Variants in DNAH14 observed in about 807,000 individuals in gnomAD.
DNAH14 encodes axonemal beta dynein heavy chain 14.
Under a neutral mutation model 520.9 loss-of-function variants are expected in DNAH14, and 478 were observed. That is an observed-to-expected ratio of 0.92 (90% CI 0.85 to 0.99). The LOEUF (loss-of-function observed/expected upper bound fraction) is 0.99, where lower values mean the gene tolerates loss of function less well. Ranked by LOEUF, DNAH14 falls within the 50% of genes least tolerant of loss-of-function variation. DNAH14 has a pLI of 0.00. For missense variants in DNAH14, 4,831 were observed against 5,234.5 expected (o/e 0.92, Z 2.38); for synonymous variants, 1,581 against 1,757.2 (o/e 0.90, Z 2.51).
At chr1:225,113,591 G>A (rs560147560) in intron 23 of DNAH14, among the ~76,000 whole-genome samples, 169 of 152,302 alleles carry the variant, frequency 1.1e-3, no homozygotes, top group African/African-American at 3.8e-3. Context: ...CCTGGGCCCT[G>A]GGTGGTTCCA....
chr1:225,252,803 G>C (rs1430099716), intron 44 of DNAH14, among the ~76,000 whole-genome samples: 1 of 152,008 alleles, frequency 6.6e-6, no homozygotes, highest in East Asian at 1.9e-4. Context: ...AAATGAAAAT[G>C]CTAATTAGAA....
intron 60 of DNAH14, among the ~76,000 whole-genome samples, chr1:225,309,818 A>G (rs7520455): frequency 0.11 from 17,205 of 152,026 alleles, 1,174 homozygotes; most frequent in East Asian, 0.26. Context: ...ACTTGAACCT[A>G]GGAGGCGGAG....
At chr1:225,119,423 G>A in intron 26 of DNAH14, 129 bp downstream of exon 26, 1 of 568,730 alleles carries the variant, frequency 1.8e-6, no homozygotes, top group Non-Finnish European at 2.7e-6. Context: ...AAAAGAATAT[G>A]GAGTCAAATC....
Position 225,122,488 on chromosome 1 carries a change from A to G in DNAH14, c.4167-1039A>G, listed in dbSNP as rs868125563. On this transcript the variant is annotated intron_variant, in intron 26 of 85. Transcript: ENST00000682510. ...TTTAAGTATTCCATATACTTATAGT[A>G]TATCAATGCGAGTGTGCAGTAAGAT... Among the ~76,000 whole-genome samples the G allele has an allele frequency of 7.2e-5, 11 of 152,204 alleles. No homozygotes were observed. In the South Asian group the frequency reaches 8.3e-4, roughly 11 times the overall value.
intron 10 of DNAH14, among the ~76,000 whole-genome samples, chr1:225,014,949 A>G (rs953198739): frequency 1.6e-4 from 24 of 152,304 alleles, no homozygotes; most frequent in Admixed American, 6.5e-4. Flanking sequence ...TAGATCTGAC[A>G]ATATTTGCTT....
chr1:225,242,279 A>AT (rs966372662), intron 43 of DNAH14, among the ~76,000 whole-genome samples: 13 of 151,900 alleles, frequency 8.6e-5, no homozygotes, highest in African/African-American at 2.9e-4. Context: ...GCTTACTATA[A>AT]TTTTTTTTAC....
At chr1:225,124,625 G>A (rs928203664) in intron 27 of DNAH14, among the ~76,000 whole-genome samples, 1 of 152,078 alleles carries the variant, frequency 6.6e-6, no homozygotes, top group Non-Finnish European at 1.5e-5. Context: ...TAGTTCTCTT[G>A]CTATTTCCAC....
chr1:225,087,535 A>G (rs753328532), intron 21 of DNAH14, among the ~76,000 whole-genome samples: 2 of 152,216 alleles, frequency 1.3e-5, no homozygotes, highest in African/African-American at 4.8e-5. Flanking sequence ...GACATCAGGT[A>G]ATGAAGGACA....
intron 23 of DNAH14, among the ~76,000 whole-genome samples, chr1:225,113,488 C>T (rs7418261): frequency 0.13 from 19,756 of 152,000 alleles, 3,946 homozygotes; most frequent in African/African-American, 0.44. Context: ...ACTTGGCTAC[C>T]GCCTATGTTT....
At chr1:224,982,387 C>T (rs992382483) in intron 8 of DNAH14, among the ~76,000 whole-genome samples, 2 of 152,150 alleles carry the variant, frequency 1.3e-5, no homozygotes, top group African/African-American at 4.8e-5. Context: ...TCAGGGTCTG[C>T]TAATGCACTC....
At chr1:225,216,532 C>T (rs2089353560) in intron 41 of DNAH14, among the ~76,000 whole-genome samples, 1 of 152,208 alleles carries the variant, frequency 6.6e-6, no homozygotes, top group Non-Finnish European at 1.5e-5. Context: ...TCTGGTACAC[C>T]AATCAGACGT....
chr1:225,398,485 T>G (rs977442652), intron 84 of DNAH14, 35 bp from the exon 85 acceptor site: 10 of 1,548,182 alleles, frequency 6.5e-6, no homozygotes, highest in Non-Finnish European at 8.7e-6. Flanking sequence ...CTGCTTCTCC[T>G]GGGGATCCCT....
chr1:225,231,246 T>C, intron 42 of DNAH14, 95 bp downstream of exon 42: 2 of 826,242 alleles, frequency 2.4e-6, no homozygotes, highest in Non-Finnish European at 3.6e-6. Flanking sequence ...ATCAATACTT[T>C]TGTATTTTCA....
intron 75 of DNAH14, among the ~76,000 whole-genome samples, chr1:225,362,607 C>T (rs185465132): frequency 6.7e-6 from 1 of 148,754 alleles, no homozygotes; most frequent in African/African-American, 2.5e-5. Context: ...CATCACTAAT[C>T]ATTAGGGAAA....
intron 4 of DNAH14, 80 bp from the exon 5 acceptor site, chr1:224,964,399 A>G (rs1032484939): frequency 1.5e-6 from 2 of 1,370,230 alleles, no homozygotes; most frequent in Non-Finnish European, 1.9e-6. Flanking sequence ...CTATATAGAA[A>G]TATTTGTAAT....
At position 225,398,501 on chromosome 1, in the gene DNAH14, C is replaced by T. The variant is rs2096057064; in HGVS notation, c.13492-19C>T. The T allele has an allele frequency of 6.4e-7, 1 of 1,550,494 alleles. No individual in the cohort carries two copies. Among genetic ancestry groups the T allele is most frequent in the African/African-American group, 1.4e-5 (1 of 73,020 alleles). ...TGCTTCTCCTGGGGATCCCTGACAC[C>T]ACCTCTCTTCCATCTTAGGGCTCAG... On this transcript the variant is annotated intron_variant, in intron 84 of 85. Coordinates refer to ENST00000682510, the MANE Select transcript of DNAH14 (RefSeq NM_001367479.1).
intron 69 of DNAH14, among the ~76,000 whole-genome samples, chr1:225,344,822 C>G (rs541479930): frequency 6.6e-6 from 1 of 152,204 alleles, no homozygotes; most frequent in African/African-American, 2.4e-5. Context: ...TCAAGTGATT[C>G]TCCTGCCTCA....
chr1:225,266,222 G>T (rs2093111203), intron 48 of DNAH14, among the ~76,000 whole-genome samples: 1 of 152,088 alleles, frequency 6.6e-6, no homozygotes, highest in Non-Finnish European at 1.5e-5. Context: ...CTAAACCAGG[G>T]TGCATATGGA....
chr1:225,219,272 C>A (rs968617502), intron 41 of DNAH14, among the ~76,000 whole-genome samples: 35 of 151,374 alleles, frequency 2.3e-4, no homozygotes, highest in African/African-American at 7.3e-4. Context: ...GAAGCAAGAG[C>A]AAACAAATTC....
Sources: gnomAD v4.1 joint callset for allele counts (sites outside exome capture counted in the v4.1 genomes callset) on GRCh38, gnomAD v4.1.1 for gene constraint, MANE v1.5 for transcripts, NCBI Gene and HGNC (gene_info 2026-07-23, HGNC 2026-07-21) for gene names.